The following PDE4DIP variants were observed in gnomAD, a reference collection of about 807,000 sequenced individuals.
PDE4DIP encodes phosphodiesterase 4D interacting protein.
A neutral mutation model predicts 221.4 loss-of-function variants in PDE4DIP; 59 were observed. The observed-to-expected ratio is 0.27, with a 90% CI of 0.22 to 0.33. PDE4DIP has a LOEUF of 0.33. PDE4DIP is among the 10% of genes least tolerant of loss of function. The pLI, the probability that PDE4DIP is intolerant of heterozygous loss-of-function variation, is 1.00. For synonymous variants in PDE4DIP, 404 were observed against 815.9 expected, an observed-to-expected ratio of 0.50 and a Z score of 8.60; for missense variants, 1,036 against 2,154.2, an observed-to-expected ratio of 0.48 and a Z score of 10.28.
chr1:148,829,092 T>C (rs200266065), intron 1 of PDE4DIP, among the ~76,000 whole-genome samples: 3,138 of 145,140 alleles, frequency 0.022, no homozygotes, highest in South Asian at 0.14. Flanking sequence ...ATGGGGGAAA[T>C]GTCCACCTTT....
At chr1:148,996,565 G>C (rs1221466795) in intron 22 of PDE4DIP, among the ~76,000 whole-genome samples, 1 of 152,018 alleles carries the variant, frequency 6.6e-6, no homozygotes, top group African/African-American at 2.4e-5. Context: ...TTTGTCTAAG[G>C]ATCTTTCTTC....
intron 1 of PDE4DIP, among the ~76,000 whole-genome samples, chr1:148,925,771 A>G (rs1263732814): frequency 4.1e-5 from 6 of 147,798 alleles, no homozygotes; most frequent in Admixed American, 4.0e-4. Flanking sequence ...CCTCGTGAAT[A>G]CTTATCTTCA....
intron 36 of PDE4DIP, 192 bp from the exon 40 acceptor site, chr1:149,020,837 A>G: frequency 3.5e-6 from 2 of 566,538 alleles, no homozygotes; most frequent in South Asian, 4.6e-5. Context: ...GACCTCCCTC[A>G]GCCTCCATTT....
exon 23 of PDE4DIP, chr1:148,998,273 A>T (rs782092559): frequency 3.1e-6 from 5 of 1,613,254 alleles, no homozygotes; most frequent in Non-Finnish European, 4.2e-6. Flanking sequence ...CTGAGGGCTG[A>T]GTTCCACCAG....
At chr1:148,828,880 G>T (rs1475938381) in intron 1 of PDE4DIP, among the ~76,000 whole-genome samples, 3 of 151,282 alleles carry the variant, frequency 2.0e-5, no homozygotes, top group East Asian at 1.9e-4. Context: ...GAAAGGGATG[G>T]ATCTGAATAA....
chr1:149,030,808 G>A lies in PDE4DIP; in HGVS notation c.6999+530G>A, dbSNP rs1260845153. On this transcript the variant is annotated intron_variant, in intron 43 of 43. Transcript: ENST00000369354. Reference sequence around the variant, plus strand: ...TCTGTTGGGTCTCATTGGTCTAAAAGCGAATTTGTTAATAAATAACAACTG... The same window carrying A: ...TCTGTTGGGTCTCATTGGTCTAAAAACGAATTTGTTAATAAATAACAACTG... 1.7e-5 allele frequency: 17 copies of A among 983,414 alleles called. No homozygotes were observed. In the African/African-American group the frequency reaches 2.6e-4, roughly 15 times the overall value. The allele number at this position is 983,414 out of a possible 1,614,324, so 60.9% of individuals were successfully genotyped here.
chr1:148,966,622 G>A (rs373171738), exon 11 of PDE4DIP: 63 of 1,597,364 alleles, frequency 3.9e-5, no homozygotes, highest in Admixed American at 3.2e-4. Flanking sequence ...GAGAAACTTC[G>A]CCAGCGAATA....
intron 5 of PDE4DIP, among the ~76,000 whole-genome samples, chr1:148,938,851 T>A (rs1165224325): frequency 6.6e-6 from 1 of 150,604 alleles, no homozygotes. Context: ...TGCAGTGGGA[T>A]GATCTCGGCT....
At chr1:148,914,139 T>C (rs2798895) in intron 1 of PDE4DIP, among the ~76,000 whole-genome samples, 1 of 132,514 alleles carries the variant, frequency 7.5e-6, no homozygotes, top group African/African-American at 3.5e-5. Flanking sequence ...AGACTGGTCC[T>C]GTATAGCTCC....
chr1:148,915,137 TG>T (rs1553457283), intron 1 of PDE4DIP, among the ~76,000 whole-genome samples: 2 of 104,028 alleles, frequency 1.9e-5, no homozygotes, highest in South Asian at 3.0e-4. Flanking sequence ...CTGGTTTTTT[TG>T]TTTGTTTGTT....
At chr1:149,011,178 G>T (rs2068528681) in intron 31 of PDE4DIP, among the ~76,000 whole-genome samples, 2 of 145,906 alleles carry the variant, frequency 1.4e-5, no homozygotes, top group Non-Finnish European at 1.5e-5. Flanking sequence ...TTGCCGGAGG[G>T]TACACTGCTC....
chr1:148,964,203 G>A (rs1553515824), intron 9 of PDE4DIP, among the ~76,000 whole-genome samples: 1 of 150,044 alleles, frequency 6.7e-6, no homozygotes, highest in Non-Finnish European at 1.5e-5. Flanking sequence ...TCCACCTCCC[G>A]GGTTCAAGCG....
intron 14 of PDE4DIP, among the ~76,000 whole-genome samples, chr1:148,969,739 C>T (rs1238801301): frequency 6.7e-6 from 1 of 149,972 alleles, no homozygotes; most frequent in Non-Finnish European, 1.5e-5. Context: ...ATGGCATCTC[C>T]CTCTGTCACC....
At chr1:148,918,554 C>T (rs1373199460) in intron 1 of PDE4DIP, among the ~76,000 whole-genome samples, 1 of 131,470 alleles carries the variant, frequency 7.6e-6, no homozygotes, top group Non-Finnish European at 1.6e-5. Context: ...ACAAATGATA[C>T]TATCTCAGCT....
At chr1:148,822,528 C>G (rs1669556760) in intron 1 of PDE4DIP, among the ~76,000 whole-genome samples, 1 of 151,370 alleles carries the variant, frequency 6.6e-6, no homozygotes, top group African/African-American at 2.4e-5. Context: ...AATCCATCCC[C>G]CACCCTGTCC....
At chr1:149,011,020 G>T (rs1261059460) in intron 31 of PDE4DIP, among the ~76,000 whole-genome samples, 1 of 149,838 alleles carries the variant, frequency 6.7e-6, no homozygotes, top group African/African-American at 2.5e-5. Context: ...TTGTAGCCAA[G>T]GATGGTGAGA....
At chr1:148,952,973 GAC>G (rs782601341) in intron 5 of PDE4DIP, 4 of 1,608,606 alleles carry the variant, frequency 2.5e-6, no homozygotes, top group African/African-American at 2.7e-5. Context: ...CTATCGATTC[GAC>G]ACAGTTATTG....
chr1:148,935,453 G>T (rs1184370067), intron 4 of PDE4DIP, among the ~76,000 whole-genome samples: 1 of 76,686 alleles, frequency 1.3e-5, no homozygotes, highest in Non-Finnish European at 2.6e-5. Context: ...CTGGGCCTTT[G>T]TTCCAGTGAC....
At chr1:149,012,807 T>C (rs1339880168) in intron 32 of PDE4DIP, 31 bp downstream of exon 35, 1 of 1,398,620 alleles carries the variant, frequency 7.1e-7, no homozygotes, top group African/African-American at 1.4e-5. Context: ...GTGCTTGCGA[T>C]TGGCAGCCCC....
Sources: allele counts gnomAD v4.1 joint callset (sites outside exome capture counted in the v4.1 genomes callset), GRCh38; gene constraint gnomAD v4.1.1; transcripts MANE v1.5; gene names NCBI Gene and HGNC (gene_info 2026-07-23, HGNC 2026-07-21).